Variants in TSHZ3 observed in about 807,000 individuals in gnomAD.
The protein encoded by TSHZ3 is teashirt zinc finger homeobox 3.
Under a neutral mutation model 64.5 loss-of-function variants are expected in TSHZ3, and 10 were observed. The ratio of observed to expected loss-of-function variants is 0.16; its 90% CI spans 0.10 to 0.26. The LOEUF (loss-of-function observed/expected upper bound fraction) is 0.26, where lower values mean the gene tolerates loss of function less well. Ranked by LOEUF, TSHZ3 falls within the 10% of genes least tolerant of loss-of-function variation. The pLI, the probability that TSHZ3 is intolerant of heterozygous loss-of-function variation, is 1.00. For missense variants in TSHZ3, 1,242 were observed against 1,421.7 expected, an observed-to-expected ratio of 0.87 and a Z score of 2.03; for synonymous variants, 608 against 593.1, an observed-to-expected ratio of 1.03 and a Z score of -0.36.
intron 1 of TSHZ3, among the ~76,000 whole-genome samples, chr19:31,299,982 A>G (rs1306425693): frequency 2.0e-5 from 3 of 152,234 alleles, no homozygotes; most frequent in Admixed American, 6.5e-5. Context: ...AAGATCAATA[A>G]TGGTTAATTA....
chr19:31,300,108 A>G (rs1006045489), intron 1 of TSHZ3, among the ~76,000 whole-genome samples: 2 of 152,188 alleles, frequency 1.3e-5, no homozygotes, highest in African/African-American at 4.8e-5. Flanking sequence ...AGGTGAATGC[A>G]TTACAAGCCT....
chr19:31,235,570 T>C (rs1213077105), intron 3 of TSHZ3, among the ~76,000 whole-genome samples: 1 of 135,540 alleles, frequency 7.4e-6, no homozygotes, highest in African/African-American at 3.5e-5. Flanking sequence ...GTATCACATT[T>C]TCTTTCCTTC....
intron 1 of TSHZ3, among the ~76,000 whole-genome samples, chr19:31,331,251 T>G (rs1186089020): frequency 6.6e-6 from 1 of 152,146 alleles, no homozygotes; most frequent in African/African-American, 2.4e-5. Flanking sequence ...TCAGGAAACA[T>G]GTCTGTAAAA....
intron 5 of TSHZ3, among the ~76,000 whole-genome samples, chr19:31,203,670 T>A (rs1474427633): frequency 6.6e-6 from 1 of 151,970 alleles, no homozygotes; most frequent in East Asian, 1.9e-4. Flanking sequence ...CAGCAGGATC[T>A]CCCCTCAGGT....
chr19:31,179,526 G>A (rs1012657217), intron 5 of TSHZ3, among the ~76,000 whole-genome samples: 1 of 152,206 alleles, frequency 6.6e-6, no homozygotes, highest in African/African-American at 2.4e-5. Flanking sequence ...TTGGAGGGGG[G>A]CAAACAGAGA....
chr19:31,277,693 G>C lies in TSHZ3; in HGVS notation c.2100C>G (p.Ser700Arg). 1 of 1,527,604 alleles carries C rather than the reference G, an allele frequency of 6.5e-7. No homozygotes were observed. The highest frequency in any genetic ancestry group is 8.8e-7 in the Non-Finnish European group (1 of 1,139,486). The allele number at this position is 1,527,604 out of a possible 1,614,324, so 94.6% of individuals were successfully genotyped here. A position where few individuals can be genotyped will look rare whatever the true frequency, so the allele number is the denominator to read the frequency against. Residue 700 changes from serine (S) to arginine (R), a missense_variant, in exon 2 of 2, where the codon AGC (serine) becomes AGG (arginine). By Grantham distance (110) the Ser-to-Arg change is moderately radical. Around this residue, in one of 4 missense-constraint regions of TSHZ3, gnomAD observed 550 missense variants for 545.1 expected, o/e 1.01. Coordinates refer to ENST00000240587, the MANE Select transcript of TSHZ3 (RefSeq NM_020856.4). This position sits in a 1 kb window ranked among gnomAD's most constrained non-coding sequence, Gnocchi z 4.5. ...TGATGGCCGTGCTGCCACTCAAACT[G>C]CTGGCTAGGGGCTTCACCAGCTCCT... ...NGKELVKPLA[S>R]SLSGSTAIIT... is the part of the protein sequence containing the mutation.
chr19:31,312,463 G>A (rs10417206), intron 1 of TSHZ3, among the ~76,000 whole-genome samples: 1,780 of 152,294 alleles, frequency 0.012, 33 homozygotes, highest in African/African-American at 0.04. Context: ...CATCAGAGCA[G>A]GACACTCCAT....
chr19:31,191,076 G>A (rs1974898245), intron 5 of TSHZ3, among the ~76,000 whole-genome samples: 1 of 152,020 alleles, frequency 6.6e-6, no homozygotes, highest in Non-Finnish European at 1.5e-5. Context: ...CAATCAAATG[G>A]TTTAACTGGG....
chr19:31,224,564 T>C (rs897135438), intron 4 of TSHZ3, among the ~76,000 whole-genome samples: 4 of 152,238 alleles, frequency 2.6e-5, no homozygotes, highest in Non-Finnish European at 5.9e-5. Context: ...CATGCAGACC[T>C]ATGTGGATGG....
At chr19:31,280,259 T>C (rs1239784573) in intron 1 of TSHZ3, among the ~76,000 whole-genome samples, 1 of 151,978 alleles carries the variant, frequency 6.6e-6, no homozygotes, top group African/African-American at 2.4e-5. Flanking sequence ...ATATAAAGTA[T>C]AAAAACATCA....
intron 1 of TSHZ3, among the ~76,000 whole-genome samples, chr19:31,332,348 T>G (rs1466497082): frequency 6.6e-6 from 1 of 152,192 alleles, no homozygotes; most frequent in African/African-American, 2.4e-5. Context: ...TGTTAACTGC[T>G]GCATTCCCCA....
intron 1 of TSHZ3, among the ~76,000 whole-genome samples, chr19:31,265,841 G>A (rs964726780): frequency 2.0e-5 from 3 of 152,208 alleles, no homozygotes; most frequent in Non-Finnish European, 2.9e-5. Context: ...CAGAGTCAGA[G>A]CGAGGTGGGG....
intron 1 of TSHZ3, among the ~76,000 whole-genome samples, chr19:31,313,881 G>A (rs183410839): frequency 1.5e-4 from 23 of 152,286 alleles, no homozygotes; most frequent in Admixed American, 2.6e-4. Context: ...TCCTGGCACC[G>A]ACACTCACTT....
intron 3 of TSHZ3, among the ~76,000 whole-genome samples, chr19:31,235,642 C>G (rs1052299169): frequency 1.8e-5 from 2 of 113,046 alleles, no homozygotes; most frequent in African/African-American, 6.7e-5. Flanking sequence ...CTCTTTCTTT[C>G]TTTCTTTCTA....
At chr19:31,243,201 A>C (rs1470229825) in intron 1 of TSHZ3, among the ~76,000 whole-genome samples, 2 of 152,224 alleles carry the variant, frequency 1.3e-5, no homozygotes, top group African/African-American at 4.8e-5. Flanking sequence ...TATATGGATT[A>C]AGAGAAGTAT....
intron 1 of TSHZ3, among the ~76,000 whole-genome samples, chr19:31,322,057 A>C (rs1198930396): frequency 6.6e-6 from 1 of 151,798 alleles, no homozygotes; most frequent in Non-Finnish European, 1.5e-5. Context: ...TTCAACTCCC[A>C]CTTATGAGTG....
intron 5 of TSHZ3, among the ~76,000 whole-genome samples, chr19:31,193,300 A>C (rs536400170): frequency 1.6e-4 from 25 of 152,278 alleles, no homozygotes; most frequent in African/African-American, 6.0e-4. Context: ...ATTTTGCAGG[A>C]AGCAGTCTCT....
rs202181982 is a variant in TSHZ3, at chr19:31,217,317, C to CG, written n.686+10687dup. On this transcript the variant is annotated intron_variant and non_coding_transcript_variant, in intron 4 of 6. Coordinates refer to the TSHZ3 transcript ENST00000651361. ...TGCTGGAACAGGGCAACGGGGTGAACGAGGGGGAGATGGAGCAGATGAGGT... is the reference window on the plus strand; with the variant it reads ...TGCTGGAACAGGGCAACGGGGTGAACGGAGGGGGAGATGGAGCAGATGAGGT... Among the ~76,000 whole-genome samples, 128 of 151,994 alleles carry CG rather than the reference C, an allele frequency of 8.4e-4. 1 individual carries two copies. In the East Asian group the frequency reaches 0.023, roughly 27 times the overall value.
At chr19:31,211,997 TAAACAAAC>T (rs542757617) in intron 4 of TSHZ3, among the ~76,000 whole-genome samples, 1 of 152,148 alleles carries the variant, frequency 6.6e-6, no homozygotes, top group East Asian at 1.9e-4. Flanking sequence ...TTAAGCCTTT[TAAACAAAC>T]AAACAAACAA....
Sources: allele counts gnomAD v4.1 joint callset (sites outside exome capture counted in the v4.1 genomes callset), GRCh38; gene constraint gnomAD v4.1.1; regional missense constraint gnomAD v4.1.1; non-coding constraint Gnocchi (gnomAD v3.1); transcripts MANE v1.5; gene names NCBI Gene and HGNC (gene_info 2026-07-23, HGNC 2026-07-21).